Variants in ARFGEF1 observed in about 807,000 individuals in gnomAD.
ARFGEF1 encodes the protein brefeldin A-inhibited guanine nucleotide-exchange protein 1.
ARFGEF1 carries 42 observed loss-of-function variants against 231.0 expected under a neutral mutation model. The observed-to-expected ratio is 0.18, with a 90% CI of 0.14 to 0.24. ARFGEF1 has a LOEUF of 0.24. Among genes scored for constraint, ARFGEF1 ranks in the 10% least tolerant of loss-of-function variants. The probability of loss-of-function intolerance (pLI) is 1.00; values close to 1 mark genes in which losing one functional copy is unlikely to be tolerated. For missense variants in ARFGEF1, 1,345 were observed against 2,192.0 expected (o/e 0.61, Z 7.72); for synonymous variants, 710 against 732.3 (o/e 0.97, Z 0.49).
intron 5 of ARFGEF1, among the ~76,000 whole-genome samples, chr8:67,191,497 CT>C (rs893980881): frequency 6.6e-6 from 1 of 152,122 alleles, no homozygotes; most frequent in Admixed American, 6.5e-5. Context: ...ATAGATGTGC[CT>C]TTTCTGGACA....
chr8:67,290,857 A>G (rs1348902316), intron 6 of ARFGEF1, among the ~76,000 whole-genome samples: 1 of 152,124 alleles, frequency 6.6e-6, no homozygotes, highest in Non-Finnish European at 1.5e-5. Context: ...TTTAAAACAA[A>G]TAGTAAAGTA....
At chr8:67,195,729 T>TATA, downstream of ARFGEF1, 1 of 648,202 alleles carries the variant, frequency 1.5e-6, no homozygotes, top group Non-Finnish European at 2.7e-6. Context: ...ATTATTTTTA[T>TATA]CATGATGTAT....
chr8:67,238,767 C>T lies in ARFGEF1; in HGVS notation c.3106G>A (p.Asp1036Asn), dbSNP rs145286962. The part of the protein sequence containing the change: ...IKTLITVAHT[D>N]GNYLGNSWHE... ...CATGAATTTCCTAAATAATTTCCAT[C>T]TGTATGAGCCACTGTGATAAGTGTT... Residue 1036 changes from aspartate to asparagine, a missense_variant, in exon 21 of 39, where the codon GAT (aspartate) becomes AAT (asparagine). Around this residue, in one of 14 missense-constraint regions of ARFGEF1, gnomAD observed 146 missense variants for 321.4 expected, o/e 0.45. Coordinates refer to ENST00000262215, the MANE Select transcript of ARFGEF1 (RefSeq NM_006421.5). 3 of 1,613,572 alleles carry T rather than the reference C, an allele frequency of 1.9e-6. No homozygotes were observed. The highest frequency in any genetic ancestry group is 2.5e-6 in the Non-Finnish European group (3 of 1,179,822).
chr8:67,185,482 A>G (rs1394150738), intron 5 of ARFGEF1, among the ~76,000 whole-genome samples: 1 of 152,244 alleles, frequency 6.6e-6, no homozygotes, highest in Non-Finnish European at 1.5e-5. Flanking sequence ...TAACACTGGC[A>G]ACTTTGAAAA....
chr8:67,175,450 A>G (rs376619870), downstream of ARFGEF1: 1 of 1,613,932 alleles, frequency 6.2e-7, no homozygotes, highest in Non-Finnish European at 8.5e-7. Flanking sequence ...AGAAATAATC[A>G]TTGCTGTGTC....
intron 22 of ARFGEF1, among the ~76,000 whole-genome samples, chr8:67,236,577 C>T (rs1205859344): frequency 2.0e-5 from 3 of 151,740 alleles, no homozygotes; most frequent in African/African-American, 4.8e-5. Flanking sequence ...GGTTATCCAA[C>T]GGGACGGCCC....
intron 28 of ARFGEF1, 21 bp downstream of exon 28, chr8:67,226,002 G>A (rs774161391): frequency 1.9e-6 from 3 of 1,555,788 alleles, no homozygotes; most frequent in Non-Finnish European, 2.6e-6. Context: ...GCAAAATTTT[G>A]TTTACTAAAT....
chr8:67,300,614 G>C (rs1806435433), intron 3 of ARFGEF1, among the ~76,000 whole-genome samples: 1 of 145,826 alleles, frequency 6.9e-6, no homozygotes, highest in African/African-American at 2.6e-5. Flanking sequence ...CTTGAGGTCA[G>C]GAGTTCAAGA....
At chr8:67,197,033 C>G (rs1008814842), downstream of ARFGEF1, among the ~76,000 whole-genome samples, 16 of 152,094 alleles carry the variant, frequency 1.1e-4, no homozygotes, top group African/African-American at 3.9e-4. Flanking sequence ...ATGTACCACA[C>G]AACTTCAACT....
At chr8:67,212,566 C>T (rs1043693837) in intron 33 of ARFGEF1, among the ~76,000 whole-genome samples, 4 of 152,316 alleles carry the variant, frequency 2.6e-5, no homozygotes, top group Non-Finnish European at 4.4e-5. Context: ...TACTCCTCCT[C>T]GAGCTTTCTT....
At chr8:67,311,778 G>A (rs1048056648) in intron 1 of ARFGEF1, among the ~76,000 whole-genome samples, 4 of 152,192 alleles carry the variant, frequency 2.6e-5, no homozygotes, top group African/African-American at 4.8e-5. Context: ...TGACAATGGC[G>A]GCTTTGTGGA....
At chr8:67,266,561 T>C (rs1212822635) in intron 13 of ARFGEF1, among the ~76,000 whole-genome samples, 2 of 152,156 alleles carry the variant, frequency 1.3e-5, no homozygotes, top group Non-Finnish European at 2.9e-5. Context: ...CAAACACAGA[T>C]GAACAATTCA....
chr8:67,254,313 G>C (rs1375673799), intron 17 of ARFGEF1, among the ~76,000 whole-genome samples: 2 of 152,110 alleles, frequency 1.3e-5, no homozygotes, highest in African/African-American at 4.8e-5. Flanking sequence ...CAGAAACCTA[G>C]ATAGATAAAA....
rs761926285 is a variant in ARFGEF1 at position 67,301,227 on chromosome 8, T to C, written c.309A>G (p.Leu103=). 3 of 1,604,370 alleles carry C rather than the reference T, an allele frequency of 1.9e-6. No individual in the cohort carries two copies. The highest frequency in any genetic ancestry group is 1.7e-5 in the Admixed American group (1 of 57,242). ...PRIVSTSLDC[L]QKLIAYGHLT... ...GAAAGTGCCATTTTAGACATACCTG[T>C]AAGCAATCTAGAGATGTACTAACTA... The change falls in exon 3 of 39, where the codon TTA becomes TTG. Residue 103 remains leucine, a synonymous_variant. Coordinates refer to ENST00000262215, the MANE Select transcript of ARFGEF1 (RefSeq NM_006421.5).
At chr8:67,175,215 A>T, downstream of ARFGEF1, 3 of 999,292 alleles carry the variant, frequency 3.0e-6, no homozygotes, top group Non-Finnish European at 4.6e-6. Context: ...TAGGTTACTC[A>T]TGTTACTTAC....
chr8:67,211,782 T>A (rs1322668540), intron 33 of ARFGEF1, among the ~76,000 whole-genome samples, 167 bp from the exon 34 acceptor site: 3 of 152,170 alleles, frequency 2.0e-5, no homozygotes, highest in Admixed American at 1.3e-4. Context: ...TACCTGTACA[T>A]AGAGAAAAGT....
At chr8:67,269,383 G>A (rs1000202654) in intron 10 of ARFGEF1, among the ~76,000 whole-genome samples, 5 of 129,378 alleles carry the variant, frequency 3.9e-5, no homozygotes, top group African/African-American at 6.0e-5. Flanking sequence ...ATGGAGTTTC[G>A]CTCTTGTTGA....
chr8:67,269,053 C>T (rs1587174481), intron 10 of ARFGEF1, among the ~76,000 whole-genome samples: 2 of 152,008 alleles, frequency 1.3e-5, no homozygotes, highest in African/African-American at 2.4e-5. Context: ...AGATATTATG[C>T]CTATCATAAT....
intron 33 of ARFGEF1, among the ~76,000 whole-genome samples, chr8:67,213,883 T>C (rs1184389606): frequency 2.0e-5 from 3 of 152,204 alleles, no homozygotes; most frequent in Non-Finnish European, 2.9e-5. Flanking sequence ...CGTAAGCCAG[T>C]TCCTTAAATC....
Sources: allele counts gnomAD v4.1 joint callset (sites outside exome capture counted in the v4.1 genomes callset), GRCh38; gene constraint gnomAD v4.1.1; regional missense constraint gnomAD v4.1.1; transcripts MANE v1.5; gene names NCBI Gene and HGNC (gene_info 2026-07-23, HGNC 2026-07-21).